LIMS1: variants seen among roughly 807,000 people sequenced by gnomAD.
LIMS1 encodes LIM zinc finger domain containing 1, also known as LIM and senescent cell antigen-like-containing domain protein 1.
A neutral mutation model predicts 44.1 loss-of-function variants in LIMS1; 18 were observed. The ratio of observed to expected loss-of-function variants is 0.41; its 90% CI spans 0.28 to 0.61. LIMS1 has a LOEUF of 0.61. Among genes scored for constraint, LIMS1 ranks in the 20% least tolerant of loss-of-function variants. The pLI, the probability that LIMS1 is intolerant of heterozygous loss-of-function variation, is 0.32. For synonymous variants in LIMS1, 93 were observed against 149.1 expected (o/e 0.62, Z 2.74); for missense variants, 201 against 422.0 (o/e 0.48, Z 4.59).
At chr2:108,583,112 C>T (rs1198052011) in intron 1 of LIMS1, among the ~76,000 whole-genome samples, 1 of 151,650 alleles carries the variant, frequency 6.6e-6, no homozygotes, top group Non-Finnish European at 1.5e-5. Flanking sequence ...GATCTCAGCT[C>T]ACTCCAACCT....
intron 1 of LIMS1, among the ~76,000 whole-genome samples, chr2:108,626,490 G>A (rs976584727): frequency 6.6e-6 from 1 of 152,042 alleles, no homozygotes; most frequent in Admixed American, 6.6e-5. Flanking sequence ...TACTTATATT[G>A]TAATAACTGG....
intron 1 of LIMS1, among the ~76,000 whole-genome samples, chr2:108,544,359 C>G (rs895192268): frequency 6.6e-5 from 10 of 152,172 alleles, no homozygotes; most frequent in Admixed American, 1.3e-4. Context: ...TGCTCAGCCT[C>G]ATCCCATACT....
chr2:108,621,494 A>G (rs1372877947), intron 1 of LIMS1: 1 of 1,468,112 alleles, frequency 6.8e-7, no homozygotes, highest in Non-Finnish European at 9.3e-7. Context: ...CTAAAGGTCA[A>G]GACATCTAAT....
intron 1 of LIMS1, among the ~76,000 whole-genome samples, chr2:108,634,203 G>T (rs911573492): frequency 6.6e-6 from 1 of 152,190 alleles, no homozygotes; most frequent in African/African-American, 2.4e-5. Context: ...TGTCTGTAGG[G>T]GGAGGGAAGA....
At chr2:108,569,350 A>G (rs1400177549) in intron 1 of LIMS1, among the ~76,000 whole-genome samples, 1 of 151,950 alleles carries the variant, frequency 6.6e-6, no homozygotes, top group Non-Finnish European at 1.5e-5. Context: ...ATATAGTTCC[A>G]TTTGTCTGTT....
intron 1 of LIMS1, among the ~76,000 whole-genome samples, chr2:108,626,964 A>T (rs181462570): frequency 1.0e-4 from 16 of 152,386 alleles, no homozygotes; most frequent in African/African-American, 3.4e-4. Context: ...TCTTAAGATT[A>T]CAAGGAAGTT....
chr2:108,617,677 G>C (rs932306755), intron 1 of LIMS1, among the ~76,000 whole-genome samples: 10 of 152,192 alleles, frequency 6.6e-5, no homozygotes, highest in Non-Finnish European at 1.3e-4. Context: ...GTTTAGAAAG[G>C]TTTCTCGGAA....
intron 1 of LIMS1, among the ~76,000 whole-genome samples, chr2:108,597,673 C>G (rs1686782511): frequency 6.9e-6 from 1 of 144,242 alleles, no homozygotes. Flanking sequence ...TTTCACTTAT[C>G]TATAATACAA....
At chr2:108,678,232 A>G (rs1265687306) in intron 8 of LIMS1, among the ~76,000 whole-genome samples, 1 of 152,246 alleles carries the variant, frequency 6.6e-6, no homozygotes, top group Non-Finnish European at 1.5e-5. Flanking sequence ...TTATGACACT[A>G]CTTTCGGCCA....
At chr2:108,666,783 G>A (rs1691786789) in intron 2 of LIMS1, among the ~76,000 whole-genome samples, 1 of 148,218 alleles carries the variant, frequency 6.7e-6, no homozygotes, top group South Asian at 2.2e-4. Context: ...GGGCAAGACC[G>A]TTTCTGAAAA....
intron 1 of LIMS1, among the ~76,000 whole-genome samples, chr2:108,594,924 AATCGAATGTAGAG>A (rs1276856646): frequency 6.6e-6 from 1 of 152,182 alleles, no homozygotes; most frequent in Non-Finnish European, 1.5e-5. Flanking sequence ...CCTAAAAAAA[AATCGAATGTAGAG>A]GCCCTGCTTT....
chr2:108,625,869 G>C (rs1688542736), intron 1 of LIMS1, among the ~76,000 whole-genome samples: 1 of 152,142 alleles, frequency 6.6e-6, no homozygotes, highest in Non-Finnish European at 1.5e-5. Context: ...TTTAAGTGGT[G>C]GGAATGTCCT....
At position 108,612,235 on chromosome 2, in the gene LIMS1, A is replaced by G. The variant is rs199736032; in HGVS notation, c.33-47370A>G. On this transcript the variant is annotated intron_variant, in intron 1 of 9. Coordinates refer to ENST00000544547, the Ensembl canonical transcript of LIMS1. ...ACCTTCTTCACCAGACTTCCTTTGC[A>G]TGAAGCAGTAGGAGCAAGTGGCTGC... 2.6e-5 allele frequency among the ~76,000 whole-genome samples: 4 copies of G among 151,930 alleles called. No homozygotes were observed. In the East Asian group the frequency reaches 5.8e-4, roughly 22 times the overall value.
intron 1 of LIMS1, among the ~76,000 whole-genome samples, chr2:108,558,675 A>T (rs1236272272): frequency 1.4e-5 from 2 of 143,382 alleles, no homozygotes; most frequent in Non-Finnish European, 1.5e-5. Context: ...TTTATTTTTA[A>T]TTTTTTTTTT....
chr2:108,534,454 C>A lies in LIMS1; in HGVS notation c.-109C>A, dbSNP rs2104555465. ...CCGGCCCCTGGCCTTCCTCCCCTTCCTGCTCCGGGCCCGCCAGTAGCCGGC... is the reference window on the plus strand; with the variant it reads ...CCGGCCCCTGGCCTTCCTCCCCTTCATGCTCCGGGCCCGCCAGTAGCCGGC... On this transcript the variant is annotated 5_prime_UTR_variant, in exon 1 of 10. Coordinates refer to ENST00000544547, the Ensembl canonical transcript of LIMS1. 2 of 923,734 alleles carry A rather than the reference C, an allele frequency of 2.2e-6. No homozygotes were observed. The highest frequency in any genetic ancestry group is 2.7e-6 in the Non-Finnish European group (2 of 727,564). 57.2% of individuals were successfully genotyped at this position (923,734 alleles called of 1,614,324 possible). A position where few individuals can be genotyped will look rare whatever the true frequency, so the allele number is the denominator to read the frequency against.
At chr2:108,619,360 CT>C (rs747176925) in intron 1 of LIMS1, among the ~76,000 whole-genome samples, 2,602 of 134,468 alleles carry the variant, frequency 0.019, 40 homozygotes, top group African/African-American at 0.046. Flanking sequence ...TGTTTCTGTT[CT>C]TTTTTTTTTT....
chr2:108,625,585 C>G lies in LIMS1; in HGVS notation c.33-34020C>G, dbSNP rs79785802. Reference sequence around the variant, plus strand: ...TTTGAAAAGAATATGAATCCCCCCCCCCAAAAAAATGCAGTTTGAAATTTG... The same window carrying G: ...TTTGAAAAGAATATGAATCCCCCCCGCCAAAAAAATGCAGTTTGAAATTTG... On this transcript the variant is annotated intron_variant, in intron 1 of 9. Coordinates refer to ENST00000544547, the Ensembl canonical transcript of LIMS1. Among the ~76,000 whole-genome samples, 9 of 151,720 alleles carry G rather than the reference C, an allele frequency of 5.9e-5. No homozygotes were observed. In the South Asian group the frequency reaches 6.3e-4, roughly 11 times the overall value.
At chr2:108,683,408 T>C (rs558359380) in intron 9 of LIMS1, among the ~76,000 whole-genome samples, 2 of 152,166 alleles carry the variant, frequency 1.3e-5, no homozygotes, top group African/African-American at 2.4e-5. Context: ...CCAGGCATAG[T>C]AGTATGCACT....
At chr2:108,629,519 A>G (rs887108240) in intron 1 of LIMS1, among the ~76,000 whole-genome samples, 2 of 152,234 alleles carry the variant, frequency 1.3e-5, no homozygotes, top group African/African-American at 2.4e-5. Flanking sequence ...AAATGCAAGT[A>G]TCAGTTATAG....
Sources: gnomAD v4.1 joint callset for allele counts (sites outside exome capture counted in the v4.1 genomes callset) on GRCh38, gnomAD v4.1.1 for gene constraint, MANE v1.5 for transcripts, NCBI Gene and HGNC (gene_info 2026-07-23, HGNC 2026-07-21) for gene names.